The following DENND4C variants were observed in gnomAD, a reference collection of about 807,000 sequenced individuals.
DENND4C encodes the protein DENN domain containing 4C.
DENND4C carries 108 observed loss-of-function variants against 203.0 expected under a neutral mutation model. The observed-to-expected ratio is 0.53, with a 90% CI of 0.46 to 0.62. The LOEUF (loss-of-function observed/expected upper bound fraction) is 0.62. Ranked by LOEUF, DENND4C falls within the 20% of genes least tolerant of loss-of-function variation. The pLI is 0.00. For missense variants in DENND4C, 2,481 were observed against 2,301.2 expected (o/e 1.08, Z -1.60); for synonymous variants, 871 against 792.4 (o/e 1.10, Z -1.67).
At chr9:19,350,952 G>A (rs918291281) in intron 24 of DENND4C, 73 bp downstream of exon 24, 9 of 1,456,198 alleles carry the variant, frequency 6.2e-6, no homozygotes, top group African/African-American at 1.4e-5. Context: ...TTTAAGAGAC[G>A]GGGTTTTGTC....
intron 2 of DENND4C, among the ~76,000 whole-genome samples, chr9:19,277,763 T>G (rs1004075685): frequency 2.0e-5 from 3 of 152,210 alleles, no homozygotes; most frequent in Non-Finnish European, 4.4e-5. Flanking sequence ...TTCAGTCTTT[T>G]ACTATTGAGT....
At chr9:19,317,134 G>C (rs1009214091) in intron 12 of DENND4C, among the ~76,000 whole-genome samples, 1 of 150,038 alleles carries the variant, frequency 6.7e-6, no homozygotes, top group Non-Finnish European at 1.5e-5. Context: ...CTGGAGATTT[G>C]CCTTCAGGTA....
rs560647100 is a variant in DENND4C at position 19,290,641 on chromosome 9, T to A, written c.629-63T>A. 4.0e-5 allele frequency: 46 copies of A among 1,140,316 alleles called. No homozygotes were observed. In the African/African-American group the frequency reaches 6.7e-4, roughly 17 times the overall value. 70.6% of individuals were successfully genotyped at this position (1,140,316 alleles called of 1,614,324 possible). On this transcript the variant is annotated intron_variant, in intron 4 of 32. Transcript: ENST00000434457. ...CATTAAAATATTCCATTAATACCTA[T>A]CATATGCAATTTATGGAAAAGTAAC... is the stretch of plus-strand genomic sequence containing the variant.
At chr9:19,288,062 T>A (rs985690747) in intron 3 of DENND4C, among the ~76,000 whole-genome samples, 1 of 152,234 alleles carries the variant, frequency 6.6e-6, no homozygotes, top group Non-Finnish European at 1.5e-5. Flanking sequence ...AAAAGGACTG[T>A]AGTGAAGAAG....
chr9:19,230,619 C>T (rs1820261967), upstream of DENND4C: 1 of 152,142 alleles, frequency 6.6e-6, no homozygotes, highest in Non-Finnish European at 1.5e-5. Context: ...CCCGCGCGGG[C>T]CAGCGCTCCG....
chr9:19,332,274 T>C (rs1819391234), intron 17 of DENND4C, 90 bp downstream of exon 17: 2 of 997,160 alleles, frequency 2.0e-6, no homozygotes, highest in African/African-American at 1.6e-5. Flanking sequence ...TAAAGTGTGC[T>C]CAAGCATTTT....
intron 1 of DENND4C, among the ~76,000 whole-genome samples, chr9:19,253,718 G>GT (rs905990539): frequency 6.6e-6 from 1 of 151,994 alleles, no homozygotes; most frequent in African/African-American, 2.4e-5. Context: ...ACTGCATTTA[G>GT]TTTTTTTTAT....
chr9:19,373,107 T>C lies in DENND4C; in HGVS notation c.*934T>C, dbSNP rs538744155. On this transcript the variant is annotated 3_prime_UTR_variant, in exon 33 of 33. Transcript: ENST00000434457. ...TGATGACAGCTGCCTTCCCTAACTT[T>C]AATGTATTAGGTTGGCACAAAATTA... 10 of 152,258 alleles carry C rather than the reference T, an allele frequency of 6.6e-5. No individual in the cohort carries two copies. Among genetic ancestry groups the C allele is most frequent in the Admixed American group, 2.0e-4 (3 of 15,284 alleles). The allele number at this position is 152,258 out of a possible 1,614,324, so 9.4% of individuals were successfully genotyped here.
At chr9:19,334,845 C>T in intron 17 of DENND4C, 132 bp from the exon 18 acceptor site, 4 of 925,172 alleles carry the variant, frequency 4.3e-6, no homozygotes, top group South Asian at 2.2e-5. Flanking sequence ...AAATAATTTG[C>T]TAAGATGCTC....
intron 29 of DENND4C, among the ~76,000 whole-genome samples, chr9:19,360,930 A>G (rs1431573059): frequency 3.3e-5 from 5 of 152,086 alleles, no homozygotes; most frequent in South Asian, 4.2e-4. Flanking sequence ...CTGGAGTGCA[A>G]TGGCGTGATC....
chr9:19,349,151 T>C (rs1273480028), intron 23 of DENND4C, among the ~76,000 whole-genome samples: 3 of 152,182 alleles, frequency 2.0e-5, no homozygotes, highest in East Asian at 1.9e-4. Flanking sequence ...CTCATGCCTG[T>C]AATCCCAGCA....
intron 16 of DENND4C, 102 bp from the exon 17 acceptor site, chr9:19,331,876 G>A (rs1037284689): frequency 1.9e-6 from 2 of 1,078,230 alleles, no homozygotes; most frequent in Non-Finnish European, 2.6e-6. Flanking sequence ...TGATTTTAGG[G>A]GGTCAAGTTT....
rs115605935 is a variant in DENND4C at position 19,363,531 on chromosome 9, C to T, written c.5524+1568C>T. 7.4e-3 allele frequency among the ~76,000 whole-genome samples: 1,122 copies of T among 151,710 alleles called. 18 individuals carry two copies. Among genetic ancestry groups the T allele is most frequent in the African/African-American group, 0.026 (1,085 of 41,326 alleles). ...AAAAAATTAAAAAAACATTAGTGCC[C>T]CACTCTTATGTCCTCATGTAACCTT... On this transcript the variant is annotated intron_variant, in intron 30 of 32. Transcript: ENST00000434457.
chr9:19,235,510 T>C (rs1043602928), intron 1 of DENND4C, among the ~76,000 whole-genome samples: 31 of 151,606 alleles, frequency 2.0e-4, no homozygotes, highest in Non-Finnish European at 3.5e-4. Flanking sequence ...ACTTAAGTAA[T>C]ATTGTGGGGC....
chr9:19,297,894 A>G (rs776657836), intron 6 of DENND4C, among the ~76,000 whole-genome samples, 162 bp from the exon 7 acceptor site: 6 of 152,164 alleles, frequency 3.9e-5, no homozygotes, highest in Admixed American at 6.5e-5. Context: ...ATGGGCATGG[A>G]TAAATTCATT....
chr9:19,287,028 A>G lies in DENND4C; in HGVS notation c.558+7A>G. 8.1e-7 allele frequency: 1 copy of G among 1,232,114 alleles called. No individual in the cohort carries two copies. Among genetic ancestry groups the G allele is most frequent in the East Asian group, 3.2e-5 (1 of 31,698 alleles). 76.3% of individuals were successfully genotyped at this position (1,232,114 alleles called of 1,614,324 possible). A position where few individuals can be genotyped will look rare whatever the true frequency, so the allele number is the denominator to read the frequency against. ...AAACTTAAATTGTGGAATGGTAAGA[A>G]TAAAGTTTTCATCTTCAAAGTTTCA... On this transcript the variant is annotated splice_region_variant and intron_variant, in intron 3 of 32. Coordinates refer to ENST00000434457, the MANE Select transcript of DENND4C (RefSeq NM_001330640.2).
At chr9:19,303,974 A>G (rs79900174) in intron 9 of DENND4C, among the ~76,000 whole-genome samples, 2,992 of 151,306 alleles carry the variant, frequency 0.02, 43 homozygotes, top group Non-Finnish European at 0.031. Context: ...CAGCCTCCCA[A>G]AGTGTTGAGA....
At chr9:19,357,912 T>G in intron 27 of DENND4C, 53 bp from the exon 28 acceptor site, 1 of 1,403,522 alleles carries the variant, frequency 7.1e-7, no homozygotes, top group Non-Finnish European at 9.7e-7. Flanking sequence ...GCTCTACAGA[T>G]TTAGACTGTT....
At chr9:19,370,176 GGCTT>G in intron 31 of DENND4C, 189 bp downstream of exon 31, 1 of 677,006 alleles carries the variant, frequency 1.5e-6, no homozygotes, top group African/African-American at 1.8e-5. Context: ...AGTGTCTGGG[GGCTT>G]GGCACGGTGG....
Sources: allele counts gnomAD v4.1 joint callset (sites outside exome capture counted in the v4.1 genomes callset), GRCh38; gene constraint gnomAD v4.1.1; transcripts MANE v1.5; gene names NCBI Gene and HGNC (gene_info 2026-07-23, HGNC 2026-07-21).